BCL3: variants seen among roughly 807,000 people sequenced by gnomAD.
BCL3 encodes the protein B-cell lymphoma 3 protein.
A neutral mutation model predicts 35.7 loss-of-function variants in BCL3; 15 were observed. The observed-to-expected ratio is 0.42, with a 90% CI of 0.28 to 0.65. BCL3 has a LOEUF of 0.65. BCL3 is among the 30% of genes least tolerant of loss of function. BCL3 has a pLI of 0.22. For synonymous variants in BCL3, 311 were observed against 284.3 expected (o/e 1.09, Z -0.95); for missense variants, 565 against 641.7 (o/e 0.88, Z 1.29).
intron 2 of BCL3, among the ~76,000 whole-genome samples, chr19:44,754,988 GAC>G (rs1967254474): frequency 6.6e-6 from 1 of 152,240 alleles, no homozygotes; most frequent in Non-Finnish European, 1.5e-5. Flanking sequence ...GGATTCTAGA[GAC>G]ACATTCCACA....
rs1165928556 is a variant in BCL3, at chr19:44,757,075, C to T, written c.578C>T (p.Thr193Ile). Residue 193 changes from threonine to isoleucine, a missense_variant, in exon 4 of 9, where the codon ACA (threonine) becomes ATA (isoleucine). Coordinates refer to ENST00000164227, the MANE Select transcript of BCL3 (RefSeq NM_005178.5). The surrounding 1 kb of genome is among the most constrained non-coding windows in gnomAD (Gnocchi z 8.4). ...TLPSVVRLLV[T>I]AGASPMALDR... ...CCGTCTGTGGTCCGGCTCCTGGTGA[C>T]AGCTGGTGCCAGCCCCATGGCGCTG... 2 of 1,610,282 alleles carry T rather than the reference C, an allele frequency of 1.2e-6. No homozygotes were observed. Among genetic ancestry groups the T allele is most frequent in the Non-Finnish European group, 1.7e-6 (2 of 1,178,836 alleles).
chr19:44,756,821 G>T (rs1038255791), intron 3 of BCL3, among the ~76,000 whole-genome samples, 196 bp from the exon 4 acceptor site: 1 of 151,976 alleles, frequency 6.6e-6, no homozygotes, highest in East Asian at 1.9e-4. Flanking sequence ...GAAAGAGGAG[G>T]TTGGAGGCCC....
intron 2 of BCL3, among the ~76,000 whole-genome samples, chr19:44,753,640 C>T (rs1056127854): frequency 3.9e-5 from 6 of 152,148 alleles, no homozygotes; most frequent in African/African-American, 1.2e-4. Context: ...CTCTTCACAC[C>T]CGCGGGGGAG....
chr19:44,754,522 G>GAA (rs1208672208), intron 2 of BCL3, among the ~76,000 whole-genome samples: 1 of 152,176 alleles, frequency 6.6e-6, no homozygotes. Context: ...GAAGTCCGAG[G>GAA]GCTGGGTCGC....
In BCL3 at chr19:44,758,712, A is replaced by G. The variant is rs953521987; in HGVS notation, c.1060-12A>G. ...CATGGGTGGCTCTATGGTCACGCCC[A>G]TCTTCCTACAGGTCATCGACATCCT... On this transcript the variant is annotated splice_polypyrimidine_tract_variant and intron_variant, in intron 7 of 8. Transcript: ENST00000164227. 3.8e-6 allele frequency: 6 copies of G among 1,584,546 alleles called. No individual in the cohort carries two copies. In the African/African-American group the frequency reaches 6.7e-5, roughly 18 times the overall value.
rs781096474 is a variant in BCL3, at chr19:44,758,860, C to T, written c.1177+19C>T. On this transcript the variant is annotated intron_variant, in intron 8 of 8. Coordinates refer to ENST00000164227, the MANE Select transcript of BCL3 (RefSeq NM_005178.5). ...TCCAATGGTGAGAAACCGTTCCCAACCTCCAGCCCTGGCGCCTCCTCCCTC... is the reference window on the plus strand; with the variant it reads ...TCCAATGGTGAGAAACCGTTCCCAATCTCCAGCCCTGGCGCCTCCTCCCTC... The T allele has an allele frequency of 1.5e-5, 23 of 1,554,848 alleles. No homozygotes were observed. The African/African-American group carries it at 2.2e-4, about 15-fold the overall frequency.
chr19:44,747,795 T>G (rs1388755654), upstream of BCL3: 3 of 1,084,608 alleles, frequency 2.8e-6, no homozygotes, highest in Non-Finnish European at 3.4e-6. Context: ...TCTCTCAAGA[T>G]CTCTGCGCCT....
In BCL3 at chr19:44,748,949, T is replaced by G; in HGVS notation, c.159T>G (p.Leu53=). 8.0e-7 allele frequency: 1 copy of G among 1,252,728 alleles called. No homozygotes were observed. 77.6% of individuals were successfully genotyped at this position (1,252,728 alleles called of 1,614,324 possible). A position where few individuals can be genotyped will look rare whatever the true frequency, so the allele number is the denominator to read the frequency against. ...CCGCTCCCCGCGGCGCTGCGGGCCT[T>G]GTCGTCCCCCTGGACCCTCTGCGCG... ...EPAAPRGAAG[L]VVPLDPLRGG... is the part of the protein sequence containing the mutation. The change falls in exon 1 of 9, where the codon CTT becomes CTG. Residue 53 remains leucine, a synonymous_variant. Transcript: ENST00000164227.
chr19:44,759,503 C>A lies in BCL3; in HGVS notation c.1253C>A (p.Pro418His), dbSNP rs769857576. 7 of 1,613,340 alleles carry A rather than the reference C, an allele frequency of 4.3e-6. No homozygotes were observed. In the Admixed American group the frequency reaches 1.2e-4, roughly 27 times the overall value. The change falls in exon 9 of 9, where the codon CCT (proline) becomes CAT (histidine). Residue 418 changes from proline (P) to histidine (H), a missense_variant. By Grantham distance (77) the Pro-to-His change is moderately conservative (BLOSUM62 -2). Transcript: ENST00000164227. ...GACCCCCCTGGATTCCCCATGGCTC[C>A]TCCCAATTTCTTCCTTCCTTCCCCA... ...PRDPPGFPMA[P>H]PNFFLPSPSP...
rs1301646677 is a variant in BCL3 at position 44,748,795 on chromosome 19, C to T, written c.5C>T (p.Pro2Leu). 1.8e-6 allele frequency: 2 copies of T among 1,109,534 alleles called. No homozygotes were observed. The highest frequency in any genetic ancestry group is 2.2e-6 in the Non-Finnish European group (2 of 910,196). The allele number at this position is 1,109,534 out of a possible 1,614,324, so 68.7% of individuals were successfully genotyped here. M[P>L]RCPAGAMDEG... ...GCCGCCGTCCCCGGCGGCCCCATGC[C>T]CCGATGCCCCGCGGGGGCCATGGAC... The change falls in exon 1 of 9, where the codon CCC becomes CTC. Residue 2 changes from proline to leucine, a missense_variant. Transcript: ENST00000164227.
chr19:44,757,193 G>C lies in BCL3; in HGVS notation c.696G>C (p.Thr232=), dbSNP rs746607839. ...RALLDSAAPG[T]LDLEARNYDG... is the part of the protein sequence containing the mutation. ...TGCTGGACAGCGCAGCTCCGGGCAC[G>C]TTGGACCTGGAGGCCCGCAATTATG... Residue 232 remains threonine (T), a synonymous_variant, in exon 4 of 9, where the codon ACG becomes ACC. Transcript: ENST00000164227. The surrounding 1 kb of genome is among the most constrained non-coding windows in gnomAD (Gnocchi z 8.4). The C allele has an allele frequency of 6.4e-7, 1 of 1,563,352 alleles. No individual in the cohort carries two copies. Among genetic ancestry groups the C allele is most frequent in the Non-Finnish European group, 8.7e-7 (1 of 1,151,446 alleles).
In BCL3 at chr19:44,758,935, C is replaced by T. The variant is rs1259077387; in HGVS notation, c.1177+94C>T. 7.2e-6 allele frequency: 8 copies of T among 1,111,972 alleles called. No homozygotes were observed. The Admixed American group carries it at 2.2e-4, about 30-fold the overall frequency. 68.9% of individuals were successfully genotyped at this position (1,111,972 alleles called of 1,614,324 possible). On this transcript the variant is annotated intron_variant, in intron 8 of 8. Transcript: ENST00000164227. ...CCCCTCCTCCCTCAGATCCAGGAGT[C>T]CAGGCCCCTAGCCTCCTCCCTCTGA...
Position 44,758,257 on chromosome 19 carries a change from C to T in BCL3, c.903C>T (p.Asn301=). The T allele has an allele frequency of 6.7e-7, 1 of 1,499,984 alleles. No individual in the cohort carries two copies. The highest frequency in any genetic ancestry group is 8.8e-7 in the Non-Finnish European group (1 of 1,133,566). The allele number at this position is 1,499,984 out of a possible 1,614,324, so 92.9% of individuals were successfully genotyped here. Residue 301 remains asparagine, a synonymous_variant, in exon 7 of 9, where the codon AAC becomes AAT. Coordinates refer to ENST00000164227, the MANE Select transcript of BCL3 (RefSeq NM_005178.5). ...MVQLLLQHGA[N]VNAQMYSGSS... Reference sequence around the variant, plus strand: ...CTCCCGTCCCGCAGCACGGCGCCAACGTGAACGCGCAAATGTACTCCGGCA... The same window carrying T: ...CTCCCGTCCCGCAGCACGGCGCCAATGTGAACGCGCAAATGTACTCCGGCA...
Position 44,751,476 on chromosome 19 carries a change from C to T in BCL3, c.410+96C>T, listed in dbSNP as rs987404886. ...AGCTCCCAGTGGACCTGAGTCAGAA[C>T]TCGGTCTCCACCACAGGCTGTGTGA... On this transcript the variant is annotated intron_variant, in intron 2 of 8. Transcript: ENST00000164227. The T allele has an allele frequency of 4.6e-6, 6 of 1,305,610 alleles. No homozygotes were observed. The Admixed American group carries it at 8.9e-5, about 19-fold the overall frequency. The allele number at this position is 1,305,610 out of a possible 1,614,324, so 80.9% of individuals were successfully genotyped here. A position where few individuals can be genotyped will look rare whatever the true frequency, so the allele number is the denominator to read the frequency against.
At position 44,755,650 on chromosome 19, in the gene BCL3, G is replaced by A. The variant is rs148544688; in HGVS notation, c.411-582G>A. On this transcript the variant is annotated intron_variant, in intron 2 of 8. Coordinates refer to ENST00000164227, the MANE Select transcript of BCL3 (RefSeq NM_005178.5). ...TTCCAGACTGGGCGTGGTGGCTCAC[G>A]CCTGTAATCCCAGCACTTTGGGAGG... 5.8e-3 allele frequency among the ~76,000 whole-genome samples: 888 copies of A among 152,282 alleles called. 6 individuals carry two copies. Among genetic ancestry groups the A allele is most frequent in the African/African-American group, 0.02 (825 of 41,566 alleles).
At position 44,758,296 on chromosome 19, in the gene BCL3, C is replaced by A; in HGVS notation, c.942C>A (p.His314Gln). 6.4e-7 allele frequency: 1 copy of A among 1,560,930 alleles called. No individual in the cohort carries two copies. Among genetic ancestry groups the A allele is most frequent in the South Asian group, 1.2e-5 (1 of 85,478 alleles). ...TGTACTCCGGCAGCTCCGCCCTGCA[C>A]TCAGCGTCCGGCCGCGGGCTCCTCC... ...AQMYSGSSAL[H>Q]SASGRGLLPL... The change falls in exon 7 of 9, where the codon CAC becomes CAA. Residue 314 changes from histidine (H) to glutamine (Q), a missense_variant. Physicochemically the swap from His to Gln is conservative, Grantham distance 24. Around this residue, in one of 5 missense-constraint regions of BCL3, gnomAD observed 39 missense variants for 88.1 expected, o/e 0.44. Coordinates refer to ENST00000164227, the MANE Select transcript of BCL3 (RefSeq NM_005178.5).
At chr19:44,747,731 G>A, upstream of BCL3, 1 of 823,538 alleles carries the variant, frequency 1.2e-6, no homozygotes, top group Non-Finnish European at 1.5e-6. Flanking sequence ...CTGCAGCACC[G>A]GCCTCGGTCG....
chr19:44,748,435 C>G (rs1000394143), upstream of BCL3: 1 of 154,664 alleles, frequency 6.5e-6, no homozygotes, highest in South Asian at 1.8e-4. Context: ...GACACCCCCC[C>G]ACCCCCCGAC....
chr19:44,751,726 C>T (rs111677968), intron 2 of BCL3, among the ~76,000 whole-genome samples: 3,707 of 152,236 alleles, frequency 0.024, 81 homozygotes, highest in Middle Eastern at 0.17. Context: ...CACAGCCTCC[C>T]GAGTAGCTGA....
Sources: gnomAD v4.1 joint callset for allele counts (sites outside exome capture counted in the v4.1 genomes callset) on GRCh38, gnomAD v4.1.1 for gene constraint, gnomAD v4.1.1 regional missense constraint, Gnocchi (gnomAD v3.1) non-coding constraint, MANE v1.5 for transcripts, NCBI Gene and HGNC (gene_info 2026-07-23, HGNC 2026-07-21) for gene names.